The following KBTBD11 variants were observed in gnomAD, a reference collection of about 807,000 sequenced individuals.
KBTBD11 encodes the protein kelch repeat and BTB domain containing 11.
For synonymous variants in KBTBD11, 747 were observed against 499.0 expected (o/e 1.50, Z -6.63); for missense variants, 1,390 against 1,001.8 (o/e 1.39, Z -5.23).
chr8:2,002,680 G>A lies in KBTBD11; in HGVS notation c.1488G>A (p.Val496=). 6.4e-7 allele frequency: 1 copy of A among 1,561,376 alleles called. No homozygotes were observed. The highest frequency in any genetic ancestry group is 8.6e-7 in the Non-Finnish European group (1 of 1,162,776). The part of the protein sequence containing the change: ...SSSRERSADM[V]ALDGFIYRFD... ...GCCGCGAGCGCTCGGCCGACATGGT[G>A]GCTCTCGACGGCTTCATCTACCGCT... Residue 496 remains valine (V), a synonymous_variant, in exon 2 of 2, where the codon GTG becomes GTA. Transcript: ENST00000320248. The surrounding 1 kb of genome is among the most constrained non-coding windows in gnomAD (Gnocchi z 4.1).
chr8:1,985,183 G>A (rs112994058), intron 1 of KBTBD11, among the ~76,000 whole-genome samples: 13,109 of 152,302 alleles, frequency 0.086, 692 homozygotes, highest in Non-Finnish European at 0.12. Flanking sequence ...GAATGCAGGT[G>A]ACCCGGCAGG....
intron 1 of KBTBD11, among the ~76,000 whole-genome samples, chr8:1,993,554 C>T (rs1346724301): frequency 3.9e-5 from 4 of 101,560 alleles, no homozygotes; most frequent in African/African-American, 1.6e-4. Flanking sequence ...CCCACCCACC[C>T]ACCCATCCAT....
chr8:1,976,022 A>G (rs531530233), intron 1 of KBTBD11: 21 of 152,294 alleles, frequency 1.4e-4, no homozygotes, highest in African/African-American at 4.3e-4. Context: ...CTAAATACCA[A>G]GAGCACAGAT....
At position 1,996,519 on chromosome 8, in the gene KBTBD11, C is replaced by T. The variant is rs543757944; in HGVS notation, c.-908-3766C>T. Among the ~76,000 whole-genome samples, 4 of 152,088 alleles carry T rather than the reference C, an allele frequency of 2.6e-5. 1 individual carries two copies. The highest frequency in any genetic ancestry group is 2.1e-4 in the South Asian group (1 of 4,820). On this transcript the variant is annotated intron_variant, in intron 1 of 1. Coordinates refer to ENST00000320248, the MANE Select transcript of KBTBD11 (RefSeq NM_014867.3). ...CTGACCTCAGGTGACCCACCCACCTCGGCCTCCCAAAGTGCTGGGATTACA... is the reference window on the plus strand; with the variant it reads ...CTGACCTCAGGTGACCCACCCACCTTGGCCTCCCAAAGTGCTGGGATTACA...
At position 2,005,341 on chromosome 8, in the gene KBTBD11, G is replaced by C. The variant is rs1331803363; in HGVS notation, c.*2277G>C. ...ACCTATTGTGGAAATTTATAGAATA[G>C]TATACACCACAGTTCTGAATAGTGA... On this transcript the variant is annotated 3_prime_UTR_variant, in exon 2 of 2. Transcript: ENST00000320248. 6.0e-6 allele frequency: 1 copy of C among 167,112 alleles called. No individual in the cohort carries two copies. Among genetic ancestry groups the C allele is most frequent in the Non-Finnish European group, 1.5e-5 (1 of 68,132 alleles). The allele number at this position is 167,112 out of a possible 1,614,324, so 10.4% of individuals were successfully genotyped here.
intron 1 of KBTBD11, among the ~76,000 whole-genome samples, chr8:1,991,958 C>T (rs974825777): frequency 7.2e-5 from 11 of 152,064 alleles, no homozygotes; most frequent in African/African-American, 2.7e-4. Flanking sequence ...GGTAGACACA[C>T]AGGGAGGTAG....
At chr8:1,992,555 G>A (rs1393583379) in intron 1 of KBTBD11, among the ~76,000 whole-genome samples, 3 of 151,886 alleles carry the variant, frequency 2.0e-5, no homozygotes, top group Non-Finnish European at 2.9e-5. Context: ...AGGAATATGA[G>A]TTTAAAATCA....
At chr8:1,976,050 T>C (rs1264284764) in intron 1 of KBTBD11, 1 of 152,030 alleles carries the variant, frequency 6.6e-6, no homozygotes, top group Non-Finnish European at 1.5e-5. Context: ...TAATAATAGC[T>C]CTCCTGCAAA....
At chr8:1,992,876 G>A (rs1256059932) in intron 1 of KBTBD11, among the ~76,000 whole-genome samples, 1 of 151,660 alleles carries the variant, frequency 6.6e-6, no homozygotes, top group African/African-American at 2.4e-5. Flanking sequence ...ACTTGGAGCT[G>A]TCATGTGGAT....
Position 2,002,708 on chromosome 8 carries a change from G to C in KBTBD11, c.1516G>C (p.Asp506His), listed in dbSNP as rs758291470. The C allele has an allele frequency of 2.7e-5, 41 of 1,535,816 alleles. No individual in the cohort carries two copies. The highest frequency in any genetic ancestry group is 3.6e-5 in the Non-Finnish European group (41 of 1,149,264). ...TCTCGACGGCTTCATCTACCGCTTC[G>C]ATCTGAGCGGCAGCCGCGGCGAGGC... ...VALDGFIYRF[D>H]LSGSRGEAQA... Residue 506 changes from aspartate to histidine, a missense_variant, in exon 2 of 2, where the codon GAT becomes CAT. Coordinates refer to ENST00000320248, the MANE Select transcript of KBTBD11 (RefSeq NM_014867.3). The surrounding 1 kb of genome is among the most constrained non-coding windows in gnomAD (Gnocchi z 4.1).
At chr8:1,988,902 T>C (rs921946328) in intron 1 of KBTBD11, among the ~76,000 whole-genome samples, 1 of 150,008 alleles carries the variant, frequency 6.7e-6, no homozygotes, top group African/African-American at 2.5e-5. Flanking sequence ...ATCTAACAGA[T>C]TGACAGTTGT....
chr8:1,989,725 G>A (rs1816837958), intron 1 of KBTBD11, among the ~76,000 whole-genome samples: 2 of 152,110 alleles, frequency 1.3e-5, no homozygotes, highest in Non-Finnish European at 2.9e-5. Context: ...CCAGACACAC[G>A]AGTGCCCCCT....
chr8:2,001,639 C>G lies in KBTBD11; in HGVS notation c.447C>G (p.Arg149=), dbSNP rs1325652572. 4 of 1,479,062 alleles carry G rather than the reference C, an allele frequency of 2.7e-6. No individual in the cohort carries two copies. The African/African-American group carries it at 5.9e-5, about 22-fold the overall frequency. The allele number at this position is 1,479,062 out of a possible 1,614,324, so 91.6% of individuals were successfully genotyped here. A position where few individuals can be genotyped will look rare whatever the true frequency, so the allele number is the denominator to read the frequency against. The part of the protein sequence containing the change: ...EPDLVLEVSG[R]RLRAHKAVLA... ...ACCTGGTGCTGGAGGTGTCGGGGCG[C>G]CGGCTGCGCGCGCACAAGGCGGTGC... The change falls in exon 2 of 2, where the codon CGC becomes CGG. Residue 149 remains arginine (R), a synonymous_variant. Coordinates refer to ENST00000320248, the MANE Select transcript of KBTBD11 (RefSeq NM_014867.3).
chr8:1,973,875 C>T lies in KBTBD11; in HGVS notation c.-969C>T, dbSNP rs1347310814. 2.0e-6 allele frequency: 2 copies of T among 982,754 alleles called. No individual in the cohort carries two copies. The highest frequency in any genetic ancestry group is 5.2e-4 in the Middle Eastern group (1 of 1,912). The allele number at this position is 982,754 out of a possible 1,614,324, so 60.9% of individuals were successfully genotyped here. ...CCGGGAAGCGGCCGCGCGCATGCGC[C>T]GGAGCCCACCCGCCTGGCTGCGCGT... On this transcript the variant is annotated 5_prime_UTR_variant, in exon 1 of 2. Coordinates refer to ENST00000320248, the MANE Select transcript of KBTBD11 (RefSeq NM_014867.3).
At chr8:1,981,161 C>T (rs1816528037) in intron 1 of KBTBD11, among the ~76,000 whole-genome samples, 1 of 152,140 alleles carries the variant, frequency 6.6e-6, no homozygotes, top group South Asian at 2.1e-4. Context: ...GAAATAAAAA[C>T]TTGCCAACCA....
chr8:1,977,080 G>T (rs1585716592), intron 1 of KBTBD11, among the ~76,000 whole-genome samples: 1 of 144,658 alleles, frequency 6.9e-6, no homozygotes, highest in East Asian at 1.9e-4. Flanking sequence ...AAAACATTAT[G>T]AGTTTTTTTT....
Position 2,005,179 on chromosome 8 carries a change from C to G in KBTBD11, c.*2115C>G, listed in dbSNP as rs975370673. 2.4e-5 allele frequency: 4 copies of G among 167,036 alleles called. No homozygotes were observed. The highest frequency in any genetic ancestry group is 4.8e-5 in the African/African-American group (2 of 41,422). 10.3% of individuals were successfully genotyped at this position (167,036 alleles called of 1,614,324 possible). A position where few individuals can be genotyped will look rare whatever the true frequency, so the allele number is the denominator to read the frequency against. On this transcript the variant is annotated 3_prime_UTR_variant, in exon 2 of 2. Transcript: ENST00000320248. ...GCGTTTCATTTAGTGAAGGAATGCT[C>G]ACACTAGATGTAGCACAGCTTCCTG...
chr8:1,989,703 G>C (rs1480435341), intron 1 of KBTBD11, among the ~76,000 whole-genome samples: 1 of 152,202 alleles, frequency 6.6e-6, no homozygotes. Context: ...ATAGCAGGCA[G>C]TGGTTAAGGG....
intron 1 of KBTBD11, among the ~76,000 whole-genome samples, chr8:1,980,437 G>C (rs779138280): frequency 6.6e-6 from 1 of 152,190 alleles, no homozygotes; most frequent in Non-Finnish European, 1.5e-5. Flanking sequence ...ATGTTGGCCA[G>C]GATGGTCCCA....
Sources: allele counts gnomAD v4.1 joint callset (sites outside exome capture counted in the v4.1 genomes callset), GRCh38; gene constraint gnomAD v4.1.1; non-coding constraint Gnocchi (gnomAD v3.1); transcripts MANE v1.5; gene names NCBI Gene and HGNC (gene_info 2026-07-23, HGNC 2026-07-21).